The following WDR43 variants were observed in gnomAD, a reference collection of about 807,000 sequenced individuals.
The protein encoded by WDR43 is WD repeat-containing protein 43.
In WDR43, 13 loss-of-function variants were observed where a neutral mutation model predicts 91.4. That is an observed-to-expected ratio of 0.14 (90% CI 0.09 to 0.23). WDR43 has a LOEUF of 0.23. WDR43 is among the 10% of genes least tolerant of loss of function. The pLI, the probability that WDR43 is intolerant of heterozygous loss-of-function variation, is 1.00. For missense variants in WDR43, 780 were observed against 809.4 expected, an observed-to-expected ratio of 0.96 and a Z score of 0.44; for synonymous variants, 331 against 287.9, an observed-to-expected ratio of 1.15 and a Z score of -1.51.
At chr2:28,911,169 A>G (rs1387843937) in intron 3 of WDR43, among the ~76,000 whole-genome samples, 1 of 152,048 alleles carries the variant, frequency 6.6e-6, no homozygotes, top group African/African-American at 2.4e-5. Context: ...AATACTTTTA[A>G]ATTTAATCAG....
chr2:28,941,356 A>T, intron 14 of WDR43, 105 bp from the exon 15 acceptor site: 1 of 762,138 alleles, frequency 1.3e-6, no homozygotes, highest in East Asian at 2.8e-5. Context: ...TTGTAAGCAG[A>T]TGTGTGTGGT....
intron 6 of WDR43, among the ~76,000 whole-genome samples, chr2:28,920,977 A>G (rs1360760604): frequency 6.7e-6 from 1 of 150,194 alleles, no homozygotes; most frequent in Admixed American, 6.7e-5. Context: ...GTGCCTGGGC[A>G]AGACTGAATT....
chr2:28,921,546 C>T (rs559429956), intron 6 of WDR43, among the ~76,000 whole-genome samples: 1 of 152,164 alleles, frequency 6.6e-6, no homozygotes, highest in East Asian at 1.9e-4. Context: ...AATTCCAAAA[C>T]AAAACTTTGA....
chr2:28,946,416 TA>T, intron 16 of WDR43, 33 bp from the exon 17 acceptor site: 2 of 1,590,562 alleles, frequency 1.3e-6, no homozygotes, highest in Non-Finnish European at 1.7e-6. Context: ...TGTTTTGTTC[TA>T]AAATTAAGGC....
intron 14 of WDR43, among the ~76,000 whole-genome samples, chr2:28,939,440 C>G (rs1044857838): frequency 6.6e-6 from 1 of 152,170 alleles, no homozygotes; most frequent in Non-Finnish European, 1.5e-5. Flanking sequence ...CATTCAAGGT[C>G]GTGGCAGAAC....
intron 3 of WDR43, 98 bp from the exon 4 acceptor site, chr2:28,912,492 T>C: frequency 6.9e-7 from 1 of 1,457,670 alleles, no homozygotes; most frequent in Admixed American, 2.1e-5. Context: ...TGAGGCGATA[T>C]TTTTAATGAT....
chr2:28,945,069 G>A (rs1671521109), intron 16 of WDR43, among the ~76,000 whole-genome samples: 1 of 152,218 alleles, frequency 6.6e-6, no homozygotes, highest in African/African-American at 2.4e-5. Context: ...TTCATGGGTA[G>A]TATGATGTAT....
intron 14 of WDR43, among the ~76,000 whole-genome samples, chr2:28,939,887 C>T (rs1182106015): frequency 3.3e-5 from 5 of 151,994 alleles, no homozygotes; most frequent in Non-Finnish European, 1.5e-5. Context: ...GCGGGTGGAT[C>T]ATGAGTTCAG....
intron 16 of WDR43, among the ~76,000 whole-genome samples, chr2:28,944,245 G>A (rs1558385928): frequency 6.6e-6 from 1 of 150,974 alleles, no homozygotes; most frequent in Non-Finnish European, 1.5e-5. Context: ...TTCAATTTTA[G>A]TGTATGTGCT....
At chr2:28,895,059 GC>G in intron 1 of WDR43, 136 bp downstream of exon 1, 2 of 886,050 alleles carry the variant, frequency 2.3e-6, no homozygotes, top group Non-Finnish European at 3.0e-6. Flanking sequence ...CGGCGTCGGC[GC>G]GTTCAGGGCC....
At chr2:28,924,052 A>G (rs994791233) in intron 7 of WDR43, among the ~76,000 whole-genome samples, 6 of 152,194 alleles carry the variant, frequency 3.9e-5, no homozygotes, top group African/African-American at 1.4e-4. Context: ...AGGGATCATG[A>G]GATGCTTACA....
intron 11 of WDR43, among the ~76,000 whole-genome samples, chr2:28,932,316 A>G (rs1015891778): frequency 6.6e-6 from 1 of 152,112 alleles, no homozygotes; most frequent in Admixed American, 6.5e-5. Context: ...GTTATGTGCC[A>G]CCACACCCAG....
intron 15 of WDR43, 42 bp downstream of exon 15, chr2:28,941,616 G>T (rs923509097): frequency 7.0e-7 from 1 of 1,431,830 alleles, no homozygotes. Flanking sequence ...TTTTGGACAT[G>T]GTAGGAATGG....
At chr2:28,924,889 G>A in intron 7 of WDR43, 93 bp from the exon 8 acceptor site, 4 of 1,458,964 alleles carry the variant, frequency 2.7e-6, no homozygotes, top group Non-Finnish European at 3.7e-6. Flanking sequence ...AGGCTAGAGG[G>A]GGGTCACATT....
intron 6 of WDR43, among the ~76,000 whole-genome samples, chr2:28,921,660 G>C (rs530594193): frequency 6.6e-6 from 1 of 152,180 alleles, no homozygotes; most frequent in East Asian, 1.9e-4. Flanking sequence ...TGGAGTTGCA[G>C]AACGGGGAAC....
chr2:28,908,191 A>C (rs1289965185), intron 3 of WDR43, among the ~76,000 whole-genome samples: 5 of 152,204 alleles, frequency 3.3e-5, no homozygotes, highest in Admixed American at 6.5e-5. Flanking sequence ...GGGATAATGC[A>C]TGGTAGAGGA....
intron 11 of WDR43, among the ~76,000 whole-genome samples, chr2:28,930,822 C>T (rs1395259757): frequency 1.3e-5 from 2 of 152,102 alleles, no homozygotes; most frequent in Admixed American, 1.3e-4. Flanking sequence ...TACCTAGTTT[C>T]AAAAATTATC....
At chr2:28,904,462 A>G (rs575598832) in intron 2 of WDR43, among the ~76,000 whole-genome samples, 1 of 152,218 alleles carries the variant, frequency 6.6e-6, no homozygotes, top group Non-Finnish European at 1.5e-5. Context: ...ACATCGCTAA[A>G]TTGCTTTCCA....
intron 1 of WDR43, among the ~76,000 whole-genome samples, chr2:28,900,429 G>A (rs1670557511): frequency 6.6e-6 from 1 of 152,104 alleles, no homozygotes; most frequent in African/African-American, 2.4e-5. Context: ...TGATCCACCT[G>A]CCTCAGCCTC....
Sources: allele counts gnomAD v4.1 joint callset (sites outside exome capture counted in the v4.1 genomes callset), GRCh38; gene constraint gnomAD v4.1.1; transcripts MANE v1.5; gene names NCBI Gene and HGNC (gene_info 2026-07-23, HGNC 2026-07-21).